The following RGS9 variants were observed in gnomAD, a reference collection of about 807,000 sequenced individuals.
The protein encoded by RGS9 is regulator of G protein signaling 9.
RGS9 carries 78 observed loss-of-function variants against 102.0 expected under a neutral mutation model. The ratio of observed to expected loss-of-function variants is 0.76; its 90% CI spans 0.64 to 0.92. The LOEUF is 0.92. Ranked by LOEUF, RGS9 falls within the 40% of genes least tolerant of loss-of-function variation. RGS9 has a pLI of 0.00. For missense variants in RGS9, 833 were observed against 866.1 expected (o/e 0.96, Z 0.48); for synonymous variants, 353 against 318.6 (o/e 1.11, Z -1.15).
In RGS9 at chr17:65,153,436, G is replaced by A. The variant is rs1910656492; in HGVS notation, c.72G>A (p.Val24=). The change falls in exon 2 of 19, where the codon GTG becomes GTA. Residue 24 remains valine (V), a synonymous_variant. Transcript: ENST00000262406. ...CTGTCTTGCAGATTGAAGCGCTCGT[G>A]AAGGACATGCAGAACCCAGAGACAG... is the stretch of plus-strand genomic sequence containing the variant. ...MAFLQKIEAL[V]KDMQNPETGV... is the part of the protein sequence containing the mutation. The A allele has an allele frequency of 6.2e-7, 1 of 1,614,124 alleles. No homozygotes were observed. The highest frequency in any genetic ancestry group is 8.5e-7 in the Non-Finnish European group (1 of 1,179,962).
At chr17:65,171,236 G>T (rs964170112) in intron 8 of RGS9, among the ~76,000 whole-genome samples, 1 of 152,152 alleles carries the variant, frequency 6.6e-6, no homozygotes, top group Non-Finnish European at 1.5e-5. Flanking sequence ...CAGGGAAGGG[G>T]TTAGGTGCTG....
chr17:65,222,924 C>T (rs1415090757), intron 17 of RGS9, among the ~76,000 whole-genome samples: 1 of 152,122 alleles, frequency 6.6e-6, no homozygotes. Flanking sequence ...TAGACCACAC[C>T]GAGGCATCCC....
rs776631498 is a variant in RGS9, at chr17:65,137,556, C to T, written c.16C>T (p.Gln6Ter). MTIRH[Q>*]GQQYRPRMAF... ...AGGGGCCAGGATGACAATCCGACAC[C>T]AAGGCCAGCAGTACAGGCCGAGGAT... Residue 6 changes from glutamine (Q) to a stop codon, truncating the protein, a stop_gained, in exon 1 of 19, where the codon CAA becomes TAA. Coordinates refer to ENST00000262406, the MANE Select transcript of RGS9 (RefSeq NM_003835.4). LOFTEE classifies it high-confidence loss of function. 9.9e-6 allele frequency: 16 copies of T among 1,612,712 alleles called. No homozygotes were observed. Among genetic ancestry groups the T allele is most frequent in the Non-Finnish European group, 1.3e-5 (15 of 1,180,000 alleles).
intron 7 of RGS9, among the ~76,000 whole-genome samples, chr17:65,164,278 T>C (rs909260335): frequency 2.0e-5 from 3 of 152,192 alleles, no homozygotes; most frequent in Admixed American, 6.5e-5. Context: ...CATCTGGGCT[T>C]TGTGCGTTGC....
intron 17 of RGS9, among the ~76,000 whole-genome samples, chr17:65,213,293 G>C (rs898342329): frequency 4.6e-5 from 7 of 152,216 alleles, no homozygotes; most frequent in South Asian, 2.1e-4. Context: ...AATTTTTAAA[G>C]ATACAATTTG....
chr17:65,168,343 C>A, intron 8 of RGS9, 62 bp downstream of exon 8: 1 of 1,131,520 alleles, frequency 8.8e-7, no homozygotes, highest in Non-Finnish European at 1.3e-6. Flanking sequence ...CCATCCTGTG[C>A]TCTCCATACC....
intron 9 of RGS9, among the ~76,000 whole-genome samples, chr17:65,185,730 C>G (rs927739822): frequency 1.3e-5 from 2 of 152,102 alleles, no homozygotes; most frequent in Non-Finnish European, 2.9e-5. Flanking sequence ...AGAGGCAGAG[C>G]CCTAGGGAGA....
intron 17 of RGS9, among the ~76,000 whole-genome samples, chr17:65,217,618 C>T (rs535043314): frequency 1.3e-5 from 2 of 151,882 alleles, no homozygotes; most frequent in East Asian, 3.9e-4. Context: ...GGGAGGAAGG[C>T]GAGAGATATA....
chr17:65,158,205 C>T (rs1294207788), intron 2 of RGS9, 90 bp from the exon 3 acceptor site: 28 of 1,207,244 alleles, frequency 2.3e-5, no homozygotes, highest in Middle Eastern at 2.0e-4. Flanking sequence ...CGCAGCTGAA[C>T]GGGAAGGAGA....
At chr17:65,208,971 G>T (rs538449944) in intron 16 of RGS9, among the ~76,000 whole-genome samples, 1 of 152,206 alleles carries the variant, frequency 6.6e-6, no homozygotes, top group East Asian at 1.9e-4. Flanking sequence ...AAGGAAGGGA[G>T]TTCAGTGCCC....
chr17:65,221,170 C>T (rs1044595902), intron 17 of RGS9, among the ~76,000 whole-genome samples: 1 of 152,176 alleles, frequency 6.6e-6, no homozygotes, highest in Non-Finnish European at 1.5e-5. Context: ...CCATCTTCCT[C>T]GCCTGTCTGT....
At chr17:65,202,444 T>TGTGTGA (rs3838367) in intron 14 of RGS9, among the ~76,000 whole-genome samples, 214 of 131,776 alleles carry the variant, frequency 1.6e-3, no homozygotes, top group African/African-American at 5.1e-3. Context: ...TGTGTGTGTG[T>TGTGTGA]GAGAGAGAGA....
At chr17:65,137,980 A>AGT (rs558925835) in intron 1 of RGS9, among the ~76,000 whole-genome samples, 294 of 152,042 alleles carry the variant, frequency 1.9e-3, no homozygotes, top group African/African-American at 6.7e-3. Flanking sequence ...ACTATTTTAA[A>AGT]GTGTGTGTGT....
chr17:65,169,442 G>A (rs149481530), intron 8 of RGS9, among the ~76,000 whole-genome samples: 12 of 152,302 alleles, frequency 7.9e-5, no homozygotes, highest in Admixed American at 6.5e-5. Flanking sequence ...GGTTGGTAGC[G>A]AAGAAACTCT....
chr17:65,220,062 A>G (rs1913651712), intron 17 of RGS9, among the ~76,000 whole-genome samples: 1 of 151,950 alleles, frequency 6.6e-6, no homozygotes, highest in Non-Finnish European at 1.5e-5. Context: ...CATTATTATT[A>G]TCATCACCAC....
intron 9 of RGS9, among the ~76,000 whole-genome samples, chr17:65,182,416 G>A (rs954887205): frequency 1.3e-5 from 2 of 152,184 alleles, no homozygotes; most frequent in Non-Finnish European, 2.9e-5. Context: ...GTTGACCTCC[G>A]TTTCACGGTT....
At chr17:65,196,421 T>G (rs1912587756) in intron 12 of RGS9, among the ~76,000 whole-genome samples, 1 of 152,242 alleles carries the variant, frequency 6.6e-6, no homozygotes, top group Non-Finnish European at 1.5e-5. Context: ...TTTAGGAGAA[T>G]TCCATAAGGG....
chr17:65,203,972 G>A (rs1406572108), intron 14 of RGS9, among the ~76,000 whole-genome samples, 191 bp from the exon 15 acceptor site: 1 of 152,146 alleles, frequency 6.6e-6, no homozygotes, highest in Admixed American at 6.5e-5. Context: ...AATACTGGAA[G>A]TTTCTTGCTT....
chr17:65,167,651 G>A (rs987867226), intron 7 of RGS9, among the ~76,000 whole-genome samples: 14 of 152,210 alleles, frequency 9.2e-5, no homozygotes, highest in African/African-American at 3.4e-4. Context: ...ACAGGGGGTT[G>A]CCTGCCTGAC....
Sources: allele counts gnomAD v4.1 joint callset (sites outside exome capture counted in the v4.1 genomes callset), GRCh38; gene constraint gnomAD v4.1.1; transcripts MANE v1.5; gene names NCBI Gene and HGNC (gene_info 2026-07-23, HGNC 2026-07-21).